Variants in MACROD2 observed in about 807,000 individuals in gnomAD.
MACROD2 encodes mono-ADP ribosylhydrolase 2, also known as ADP-ribose glycohydrolase MACROD2.
In MACROD2, 36 loss-of-function variants were observed where a neutral mutation model predicts 70.4. That is an observed-to-expected ratio of 0.51 (90% CI 0.39 to 0.68). The LOEUF (loss-of-function observed/expected upper bound fraction) is 0.68, where lower values mean the gene tolerates loss of function less well. Among genes scored for constraint, MACROD2 ranks in the 30% least tolerant of loss-of-function variants. MACROD2 has a pLI of 0.00. For missense variants in MACROD2, 496 were observed against 538.4 expected, an observed-to-expected ratio of 0.92 and a Z score of 0.78; for synonymous variants, 172 against 178.8, an observed-to-expected ratio of 0.96 and a Z score of 0.30.
chr20:14,377,917 A>C (rs2122765225), intron 3 of MACROD2, among the ~76,000 whole-genome samples: 1 of 152,322 alleles, frequency 6.6e-6, no homozygotes, highest in East Asian at 1.9e-4. Context: ...CGGGGCTCCA[A>C]GTAATAGAAT....
intron 5 of MACROD2, among the ~76,000 whole-genome samples, chr20:15,046,216 AC>A (rs769951824): frequency 1.8e-4 from 27 of 152,078 alleles, no homozygotes; most frequent in African/African-American, 6.3e-4. Context: ...ATTCAAATAA[AC>A]TGTTTTGTAA....
chr20:14,782,906 C>CT (rs2072320160), intron 5 of MACROD2, among the ~76,000 whole-genome samples: 1 of 152,104 alleles, frequency 6.6e-6, no homozygotes, highest in African/African-American at 2.4e-5. Flanking sequence ...AAGTTACAGT[C>CT]TAATTTACAA....
intron 13 of MACROD2, among the ~76,000 whole-genome samples, chr20:15,972,919 G>A (rs1055398888): frequency 6.6e-6 from 1 of 152,050 alleles, no homozygotes; most frequent in Non-Finnish European, 1.5e-5. Context: ...ATTAGAGAAG[G>A]TATGAAAGCA....
chr20:15,131,400 T>A (rs2076103852), intron 5 of MACROD2, among the ~76,000 whole-genome samples: 1 of 152,000 alleles, frequency 6.6e-6, no homozygotes, highest in African/African-American at 2.4e-5. Flanking sequence ...AAGATGAAAT[T>A]TTTCAGGATT....
chr20:14,311,710 G>T (rs1010136235), intron 3 of MACROD2, among the ~76,000 whole-genome samples: 25 of 151,964 alleles, frequency 1.6e-4, no homozygotes, highest in Non-Finnish European at 3.5e-4. Context: ...TAGAGACGGG[G>T]TTTCACCATG....
At chr20:15,238,762 T>C (rs1225719350) in intron 6 of MACROD2, among the ~76,000 whole-genome samples, 2 of 152,176 alleles carry the variant, frequency 1.3e-5, no homozygotes, top group East Asian at 1.9e-4. Context: ...ATGTTTAAAA[T>C]GAAAGTATAA....
intron 6 of MACROD2, among the ~76,000 whole-genome samples, chr20:15,248,357 C>T (rs978134367): frequency 6.6e-6 from 1 of 152,194 alleles, no homozygotes; most frequent in Admixed American, 6.5e-5. Context: ...TGCCTCTCAG[C>T]TTCCAGGACA....
At chr20:14,511,722 A>G (rs2085032419) in intron 4 of MACROD2, among the ~76,000 whole-genome samples, 1 of 150,272 alleles carries the variant, frequency 6.7e-6, no homozygotes, top group Non-Finnish European at 1.5e-5. Flanking sequence ...ATTTTGCACT[A>G]TAAATTTATT....
chr20:15,872,692 T>C (rs990921009), intron 9 of MACROD2, among the ~76,000 whole-genome samples: 4 of 152,212 alleles, frequency 2.6e-5, no homozygotes, highest in African/African-American at 9.6e-5. Flanking sequence ...AGTTCAACTT[T>C]TGTAATCATC....
At chr20:15,648,695 G>A (rs2146790139) in intron 8 of MACROD2, among the ~76,000 whole-genome samples, 1 of 152,040 alleles carries the variant, frequency 6.6e-6, no homozygotes, top group Middle Eastern at 3.4e-3. Flanking sequence ...TAGATGAACA[G>A]GTAGATGGAT....
At chr20:14,206,354 C>T (rs1437422711) in intron 3 of MACROD2, among the ~76,000 whole-genome samples, 1 of 152,158 alleles carries the variant, frequency 6.6e-6, no homozygotes, top group Non-Finnish European at 1.5e-5. Context: ...AGCATTTTAT[C>T]TTTTAACCAA....
chr20:14,075,014 ACTGT>A (rs1188976498), intron 2 of MACROD2, among the ~76,000 whole-genome samples: 4 of 152,094 alleles, frequency 2.6e-5, no homozygotes, highest in African/African-American at 9.7e-5. Flanking sequence ...TATCACATTC[ACTGT>A]CTGTGTATTG....
intron 5 of MACROD2, among the ~76,000 whole-genome samples, chr20:14,914,567 T>G (rs1200932592): frequency 2.6e-5 from 4 of 152,194 alleles, no homozygotes; most frequent in African/African-American, 9.7e-5. Flanking sequence ...GTGATTCTCC[T>G]AAGAAACCAT....
intron 6 of MACROD2, among the ~76,000 whole-genome samples, chr20:15,407,422 G>A (rs1600368256): frequency 1.3e-5 from 2 of 152,182 alleles, no homozygotes; most frequent in Admixed American, 1.3e-4. Flanking sequence ...CTTCTTCACA[G>A]TGCTTTCTGT....
chr20:14,691,294 T>A (rs184252824), intron 5 of MACROD2, among the ~76,000 whole-genome samples: 18 of 152,330 alleles, frequency 1.2e-4, no homozygotes, highest in Admixed American at 9.2e-4. Context: ...GAATTACTAC[T>A]TATTCAGATC....
chr20:14,262,814 T>C (rs1228251642), intron 3 of MACROD2, among the ~76,000 whole-genome samples: 1 of 152,180 alleles, frequency 6.6e-6, no homozygotes, highest in Non-Finnish European at 1.5e-5. Context: ...AGAGGATATT[T>C]ATATTCATCC....
chr20:14,035,894 A>G (rs962489358), intron 2 of MACROD2, among the ~76,000 whole-genome samples: 11 of 152,188 alleles, frequency 7.2e-5, no homozygotes, highest in African/African-American at 1.4e-4. Context: ...TGTAATCCCA[A>G]CACTTTGGGA....
chr20:14,624,129 T>C (rs1983993871), intron 4 of MACROD2, among the ~76,000 whole-genome samples: 2 of 152,172 alleles, frequency 1.3e-5, no homozygotes, highest in East Asian at 1.9e-4. Context: ...TGGTAAGGCA[T>C]GTGTGATCTA....
chr20:16,032,674 G>A (rs774996790), intron 15 of MACROD2, among the ~76,000 whole-genome samples: 2 of 149,950 alleles, frequency 1.3e-5, no homozygotes. Context: ...AGGGATGGAT[G>A]AGAAGAGGGA....
Sources: gnomAD v4.1 joint callset for allele counts (sites outside exome capture counted in the v4.1 genomes callset) on GRCh38, gnomAD v4.1.1 for gene constraint, MANE v1.5 for transcripts, NCBI Gene and HGNC (gene_info 2026-07-23, HGNC 2026-07-21) for gene names.